KCNMA1: variants seen among roughly 807,000 people sequenced by gnomAD.
The protein encoded by KCNMA1 is Calcium-activated potassium channel subunit alpha-1.
Under a neutral mutation model 140.0 loss-of-function variants are expected in KCNMA1, and 29 were observed. The observed-to-expected ratio is 0.21, with a 90% CI of 0.15 to 0.28. KCNMA1 has a LOEUF of 0.28. Among genes scored for constraint, KCNMA1 ranks in the 10% least tolerant of loss-of-function variants. The probability of loss-of-function intolerance (pLI) is 1.00; values close to 1 mark genes in which losing one functional copy is unlikely to be tolerated. For synonymous variants in KCNMA1, 612 were observed against 611.9 expected (o/e 1.00, Z 0.00); for missense variants, 880 against 1,602.2 (o/e 0.55, Z 7.70).
chr10:77,090,571 C>T lies in KCNMA1; in HGVS notation c.1224-61G>A, dbSNP rs1286433314. The T allele has an allele frequency of 6.4e-5, 71 of 1,106,160 alleles. No individual in the cohort carries two copies. The Middle Eastern group carries it at 9.6e-4, about 15-fold the overall frequency. The allele number at this position is 1,106,160 out of a possible 1,614,324, so 68.5% of individuals were successfully genotyped here. The stretch of plus-strand genomic sequence containing the variant: ...CCACGACAGGACCCTGCATCCCACC[C>T]CCTGGCAAGACAGCAGAAGCCAGGC... On this transcript the variant is annotated intron_variant, in intron 9 of 27. Transcript: ENST00000286628.
At chr10:76,913,760 G>GA in intron 24 of KCNMA1, 1 of 335,142 alleles carries the variant, frequency 3.0e-6, no homozygotes. Context: ...AAAAAGTGGG[G>GA]AAAAAAGGCT....
At chr10:77,227,520 G>A (rs1415937426) in intron 3 of KCNMA1, among the ~76,000 whole-genome samples, 1 of 152,052 alleles carries the variant, frequency 6.6e-6, no homozygotes, top group East Asian at 1.9e-4. Flanking sequence ...TACTTCATTA[G>A]TACTTCATTA....
chr10:77,072,716 A>T (rs2096259020), intron 14 of KCNMA1, among the ~76,000 whole-genome samples: 1 of 152,300 alleles, frequency 6.6e-6, no homozygotes. Context: ...CCACACAGTG[A>T]GAGGTCCACC....
At chr10:77,364,011 T>G (rs796444489) in intron 2 of KCNMA1, among the ~76,000 whole-genome samples, 75 of 152,306 alleles carry the variant, frequency 4.9e-4, no homozygotes, top group African/African-American at 1.7e-3. Context: ...CTCGACCAGT[T>G]TGCACAATGC....
chr10:77,188,640 T>A (rs2098905056), intron 3 of KCNMA1, among the ~76,000 whole-genome samples: 1 of 152,136 alleles, frequency 6.6e-6, no homozygotes, highest in Non-Finnish European at 1.5e-5. Context: ...AGTAAGTACA[T>A]CCTCAGCATT....
chr10:77,028,233 G>A (rs2093639617), intron 15 of KCNMA1, among the ~76,000 whole-genome samples: 1 of 152,122 alleles, frequency 6.6e-6, no homozygotes, highest in Non-Finnish European at 1.5e-5. Flanking sequence ...AACTACAGGG[G>A]GAGGGAAAGA....
At chr10:77,541,255 A>C (rs2060125394) in intron 1 of KCNMA1, among the ~76,000 whole-genome samples, 1 of 152,170 alleles carries the variant, frequency 6.6e-6, no homozygotes, top group African/African-American at 2.4e-5. Context: ...GAAAACATTA[A>C]ACAAAATTCA....
At chr10:77,560,244 A>C (rs1358766104) in intron 1 of KCNMA1, among the ~76,000 whole-genome samples, 3 of 152,184 alleles carry the variant, frequency 2.0e-5, no homozygotes, top group Admixed American at 2.0e-4. Context: ...AGGTCACAGA[A>C]TCAACTGAAT....
chr10:77,533,178 C>T (rs757264259), intron 1 of KCNMA1, among the ~76,000 whole-genome samples: 6 of 152,080 alleles, frequency 3.9e-5, no homozygotes, highest in Non-Finnish European at 7.4e-5. Context: ...TGCTTTCATC[C>T]CTCAGTGTTG....
chr10:77,495,247 T>C (rs906902548), intron 1 of KCNMA1, among the ~76,000 whole-genome samples: 1 of 152,192 alleles, frequency 6.6e-6, no homozygotes, highest in African/African-American at 2.4e-5. Flanking sequence ...TGAAGGAGCT[T>C]CCCGGTTCCA....
chr10:77,224,739 C>T (rs1334304843), intron 3 of KCNMA1, among the ~76,000 whole-genome samples: 2 of 152,178 alleles, frequency 1.3e-5, no homozygotes, highest in African/African-American at 4.8e-5. Context: ...GTCACCCATT[C>T]CCTATGTGAC....
rs570458093 is a variant in KCNMA1 at position 77,011,714 on chromosome 10, C to G, written c.2092+253G>C. The stretch of plus-strand genomic sequence containing the variant: ...AGACTGGACACATCTACTGAGGCAC[C>G]TCTAGAGTAAAGAAGCAGGGACTAG... On this transcript the variant is annotated intron_variant, in intron 18 of 27. Transcript: ENST00000286628. 3.3e-5 allele frequency among the ~76,000 whole-genome samples: 5 copies of G among 152,244 alleles called. No individual in the cohort carries two copies. The East Asian group carries it at 5.8e-4, about 18-fold the overall frequency.
chr10:77,236,497 C>T (rs1347092659), intron 3 of KCNMA1, among the ~76,000 whole-genome samples: 3 of 152,152 alleles, frequency 2.0e-5, no homozygotes, highest in African/African-American at 7.2e-5. Context: ...CAAATTCTAC[C>T]CATGCCTTGG....
At chr10:77,552,787 G>A (rs752378804) in intron 1 of KCNMA1, among the ~76,000 whole-genome samples, 15 of 152,140 alleles carry the variant, frequency 9.9e-5, no homozygotes, top group South Asian at 2.1e-4. Context: ...AGTGGCTCAC[G>A]CCTGTAATCT....
intron 1 of KCNMA1, among the ~76,000 whole-genome samples, chr10:77,554,665 G>T: frequency 6.6e-6 from 1 of 150,410 alleles, no homozygotes. Flanking sequence ...AAACACTTTT[G>T]AAATTTGGAA....
chr10:77,084,589 G>A, intron 12 of KCNMA1, 48 bp downstream of exon 12: 1 of 1,433,342 alleles, frequency 7.0e-7, no homozygotes, highest in Non-Finnish European at 9.8e-7. Context: ...GCCGTGAACA[G>A]CCACAGACTG....
chr10:76,976,332 G>A (rs183239155), intron 19 of KCNMA1, among the ~76,000 whole-genome samples: 2 of 152,112 alleles, frequency 1.3e-5, no homozygotes, highest in Non-Finnish European at 2.9e-5. Context: ...TAATCACAGG[G>A]TGTATTTCTG....
chr10:77,239,162 T>C (rs1218989934), intron 3 of KCNMA1, among the ~76,000 whole-genome samples: 8 of 152,212 alleles, frequency 5.3e-5, no homozygotes. Flanking sequence ...CCTTATTATT[T>C]CTACTCATGC....
At chr10:77,343,597 T>C (rs2091494909) in intron 2 of KCNMA1, among the ~76,000 whole-genome samples, 1 of 152,134 alleles carries the variant, frequency 6.6e-6, no homozygotes, top group Non-Finnish European at 1.5e-5. Flanking sequence ...GCACTGAGGA[T>C]ACAGTGGAGT....
Sources: allele counts gnomAD v4.1 joint callset (sites outside exome capture counted in the v4.1 genomes callset), GRCh38; gene constraint gnomAD v4.1.1; transcripts MANE v1.5; gene names NCBI Gene and HGNC (gene_info 2026-07-23, HGNC 2026-07-21).